ADGRE2: variants seen among roughly 807,000 people sequenced by gnomAD.
ADGRE2 encodes the protein CD97 antigen.
Under a neutral mutation model 100.8 loss-of-function variants are expected in ADGRE2, and 83 were observed. That is an observed-to-expected ratio of 0.82 (90% confidence interval 0.69 to 0.99). The LOEUF (loss-of-function observed/expected upper bound fraction) is 0.99. ADGRE2 is among the 50% of genes least tolerant of loss of function. The probability of loss-of-function intolerance (pLI) is 0.00; values close to 1 mark genes in which losing one functional copy is unlikely to be tolerated. For synonymous variants in ADGRE2, 355 were observed against 413.0 expected, an observed-to-expected ratio of 0.86 and a Z score of 1.70; for missense variants, 814 against 1,035.7, an observed-to-expected ratio of 0.79 and a Z score of 2.94.
chr19:14,746,348 T>C, intron 17 of ADGRE2, 25 bp from the exon 18 acceptor site: 1 of 1,352,802 alleles, frequency 7.4e-7, no homozygotes, highest in South Asian at 1.2e-5. Flanking sequence ...AGAAGATTTG[T>C]TGAATAGATT....
In ADGRE2 at chr19:14,764,503, CTCT is replaced by C. The variant is rs1201007916; in HGVS notation, c.1011_1013del (p.Glu338del). The C allele has an allele frequency of 1.2e-6, 2 of 1,613,150 alleles. No homozygotes were observed. Among genetic ancestry groups the C allele is most frequent in the South Asian group, 2.2e-5 (2 of 91,086 alleles). ...TCTTGCTCAGGCCTCTGAGGACATC[CTCT>C]AGGCCATCCAGCAGGTGACTGGCCA... On this transcript the variant is annotated inframe_deletion, in exon 11 of 21. Coordinates refer to ENST00000315576, the MANE Select transcript of ADGRE2 (RefSeq NM_013447.4).
chr19:14,749,194 A>G (rs1397189999), intron 16 of ADGRE2, among the ~76,000 whole-genome samples: 1 of 123,416 alleles, frequency 8.1e-6, no homozygotes, highest in Non-Finnish European at 1.6e-5. Flanking sequence ...ATATAACCAT[A>G]TAATTATAAT....
intron 11 of ADGRE2, among the ~76,000 whole-genome samples, chr19:14,763,274 C>T (rs1429772766): frequency 2.0e-5 from 3 of 151,990 alleles, no homozygotes; most frequent in Non-Finnish European, 2.9e-5. Context: ...ACCCAGGAGG[C>T]GGAGCTTGCA....
At position 14,776,859 on chromosome 19, in the gene ADGRE2, C is replaced by T. The variant is rs2044463016; in HGVS notation, c.-103G>A. The T allele has an allele frequency of 1.9e-6, 3 of 1,563,106 alleles. No individual in the cohort carries two copies. The highest frequency in any genetic ancestry group is 2.6e-6 in the Non-Finnish European group (3 of 1,154,138). On this transcript the variant is annotated 5_prime_UTR_variant, in exon 2 of 21. Transcript: ENST00000315576. ...GCAGCTGTGCGGGCTGTCCCGAGGC[C>T]AGGACTTTATAAAGGAGGGGGGGCG...
At chr19:14,725,084 G>T in the ADGRE2 span, among the ~76,000 whole-genome samples, 1 of 152,178 alleles carries the variant, frequency 6.6e-6, no homozygotes, top group African/African-American at 2.4e-5. Flanking sequence ...TCTGGCGAGG[G>T]CCTCAGGAAG....
chr19:14,771,337 T>C (rs2044200671), intron 5 of ADGRE2, among the ~76,000 whole-genome samples: 1 of 152,192 alleles, frequency 6.6e-6, no homozygotes, highest in South Asian at 2.1e-4. Flanking sequence ...CTCTGTGTAC[T>C]CTGTGTTAAT....
At chr19:14,769,224 C>T (rs964919968) in intron 5 of ADGRE2, among the ~76,000 whole-genome samples, 3 of 151,174 alleles carry the variant, frequency 2.0e-5, no homozygotes, top group African/African-American at 7.4e-5. Flanking sequence ...ACACCCCCCC[C>T]CCATCTTTAC....
At chr19:14,750,520 T>A (rs1258180213) in intron 16 of ADGRE2, among the ~76,000 whole-genome samples, 1 of 152,108 alleles carries the variant, frequency 6.6e-6, no homozygotes, top group Non-Finnish European at 1.5e-5. Flanking sequence ...CAAAATTGTC[T>A]GCTGTTCTAG....
At chr19:14,754,440 TATC>T (rs1413270212) in intron 14 of ADGRE2, among the ~76,000 whole-genome samples, 3 of 31,766 alleles carry the variant, frequency 9.4e-5, no homozygotes, top group Admixed American at 8.1e-4. Flanking sequence ...AGGCAGAAAT[TATC>T]TATCTATCTA....
rs960230661 is a variant in ADGRE2, at chr19:14,756,395, T to C, written c.1085-50A>G. ...GGGGGGTTAGGTTAGGAATCGTGCC[T>C]GCAGTGGTTGATATACTATGACTTA... On this transcript the variant is annotated intron_variant, in intron 11 of 20. Transcript: ENST00000315576. The C allele has an allele frequency of 4.8e-5, 60 of 1,242,216 alleles. 1 individual carries two copies. The highest frequency in any genetic ancestry group is 7.1e-5 in the Non-Finnish European group (60 of 842,492). The allele number at this position is 1,242,216 out of a possible 1,614,324, so 76.9% of individuals were successfully genotyped here.
chr19:14,771,229 CAGCAGGGCAGG>C (rs1266565251), intron 5 of ADGRE2, among the ~76,000 whole-genome samples: 1 of 152,198 alleles, frequency 6.6e-6, no homozygotes, highest in East Asian at 1.9e-4. Flanking sequence ...TTTCTCTTTA[CAGCAGGGCAGG>C]TCTGCTGAAC....
rs1440077415 is a variant in ADGRE2, at chr19:14,755,032, G to A, written c.1512C>T (p.Gly504=). The change falls in exon 14 of 21, where the codon GGC becomes GGT. Residue 504 remains glycine, a synonymous_variant. Coordinates refer to ENST00000315576, the MANE Select transcript of ADGRE2 (RefSeq NM_013447.4). ...HWATTGCSTI[G]TRDTSTICRC... ...GGCAGATGGTGCTGGTGTCTCTGGT[G>A]CCTATTGTGCTGCAGCCTGTGGTGG... 5 of 1,614,114 alleles carry A rather than the reference G, an allele frequency of 3.1e-6. No individual in the cohort carries two copies. The South Asian group carries it at 5.5e-5, about 18-fold the overall frequency.
At chr19:14,730,699 T>A (rs2042663421), downstream of ADGRE2, among the ~76,000 whole-genome samples, 1 of 152,074 alleles carries the variant, frequency 6.6e-6, no homozygotes, top group Non-Finnish European at 1.5e-5. Context: ...GGGTACACGT[T>A]TAGGTTTGTT....
intron 18 of ADGRE2, among the ~76,000 whole-genome samples, chr19:14,744,689 A>T (rs1017152870): frequency 3.3e-5 from 5 of 151,710 alleles, no homozygotes; most frequent in African/African-American, 1.2e-4. Flanking sequence ...TCATGACCTC[A>T]AGTGATCCGC....
At chr19:14,747,700 C>T (rs570180621) in intron 16 of ADGRE2, among the ~76,000 whole-genome samples, 108 of 151,358 alleles carry the variant, frequency 7.1e-4, no homozygotes, top group African/African-American at 2.4e-3. Context: ...CTCAGCTACT[C>T]GGGAGGCTGA....
At chr19:14,765,263 T>C in intron 10 of ADGRE2, 57 bp downstream of exon 10, 1 of 1,599,244 alleles carries the variant, frequency 6.3e-7, no homozygotes, top group South Asian at 1.1e-5. Flanking sequence ...GCCCCAGGCC[T>C]CTGTGGGATG....
At chr19:14,737,644 G>C (rs1055422869) in intron 20 of ADGRE2, among the ~76,000 whole-genome samples, 1 of 152,060 alleles carries the variant, frequency 6.6e-6, no homozygotes, top group African/African-American at 2.4e-5. Context: ...CCAAAGTTAA[G>C]AGGAAGTAAA....
At chr19:14,743,890 T>C in intron 18 of ADGRE2, 106 bp from the exon 19 acceptor site, 1 of 1,033,806 alleles carries the variant, frequency 9.7e-7, no homozygotes, top group Non-Finnish European at 1.4e-6. Context: ...AGATGATTTC[T>C]CAGACTGGGC....
At chr19:14,757,265 G>T (rs374943956) in intron 11 of ADGRE2, among the ~76,000 whole-genome samples, 1 of 152,142 alleles carries the variant, frequency 6.6e-6, no homozygotes, top group Non-Finnish European at 1.5e-5. Context: ...TCATGGATTG[G>T]AAGACTTTCT....
Sources: allele counts gnomAD v4.1 joint callset (sites outside exome capture counted in the v4.1 genomes callset), GRCh38; gene constraint gnomAD v4.1.1; transcripts MANE v1.5; gene names NCBI Gene and HGNC (gene_info 2026-07-23, HGNC 2026-07-21).